HSD17B12: variants seen among roughly 807,000 people sequenced by gnomAD.
HSD17B12 encodes the protein very-long-chain 3-oxoacyl-CoA reductase.
Under a neutral mutation model 39.3 loss-of-function variants are expected in HSD17B12, and 32 were observed. The ratio of observed to expected loss-of-function variants is 0.81; its 90% CI spans 0.61 to 1.09. HSD17B12 has a LOEUF of 1.09. HSD17B12 is among the 50% of genes least tolerant of loss of function. The pLI, the probability that HSD17B12 is intolerant of heterozygous loss-of-function variation, is 0.00. For missense variants in HSD17B12, 342 were observed against 382.9 expected, an observed-to-expected ratio of 0.89 and a Z score of 0.89; for synonymous variants, 150 against 146.7, an observed-to-expected ratio of 1.02 and a Z score of -0.16.
chr11:43,647,442 AT>A, the HSD17B12 span, among the ~76,000 whole-genome samples: 67 of 123,258 alleles, frequency 5.4e-4, no homozygotes, highest in African/African-American at 2.0e-3. Flanking sequence ...CACCTTGCTA[AT>A]TTTTTTTTTT....
the HSD17B12 span, among the ~76,000 whole-genome samples, chr11:43,646,643 G>T: frequency 2.0e-5 from 3 of 152,100 alleles, no homozygotes; most frequent in African/African-American, 4.8e-5. Context: ...AGAGTGGAAA[G>T]GTACATACTT....
chr11:43,817,267 G>T lies in HSD17B12; in HGVS notation c.501+876G>T, dbSNP rs1380649232. ...TAGTCCTTTGTCAGATGCATAGATT[G>T]TGAAGATTTTCTCCCACTCTGTGGG... On this transcript the variant is annotated intron_variant, in intron 6 of 10. Coordinates refer to ENST00000278353, the MANE Select transcript of HSD17B12 (RefSeq NM_016142.3). Among the ~76,000 whole-genome samples, 3 of 152,060 alleles carry T rather than the reference G, an allele frequency of 2.0e-5. No homozygotes were observed. The East Asian group carries it at 5.8e-4, about 29-fold the overall frequency.
chr11:43,822,537 G>C (rs973174380), intron 6 of HSD17B12, among the ~76,000 whole-genome samples: 1 of 152,062 alleles, frequency 6.6e-6, no homozygotes, highest in African/African-American at 2.4e-5. Flanking sequence ...CTGTGTCCAA[G>C]TGTTGTCATT....
chr11:43,766,231 G>A (rs1950594373), intron 3 of HSD17B12, among the ~76,000 whole-genome samples: 1 of 152,144 alleles, frequency 6.6e-6, no homozygotes, highest in African/African-American at 2.4e-5. Flanking sequence ...TCCTCAATTA[G>A]TAGACTACTA....
chr11:43,578,375 G>A, the HSD17B12 span, among the ~76,000 whole-genome samples: 3 of 152,120 alleles, frequency 2.0e-5, no homozygotes, highest in Non-Finnish European at 4.4e-5. Flanking sequence ...CGGGCCGGGG[G>A]ATGAGAGGGT....
the HSD17B12 span, among the ~76,000 whole-genome samples, chr11:43,601,517 T>C: frequency 9.3e-6 from 1 of 107,372 alleles, no homozygotes; most frequent in African/African-American, 3.4e-5. Flanking sequence ...TTTTTTTTTT[T>C]TTAAAGTAGC....
At chr11:43,804,100 C>T (rs1307812386) in intron 4 of HSD17B12, among the ~76,000 whole-genome samples, 2 of 152,064 alleles carry the variant, frequency 1.3e-5, no homozygotes, top group African/African-American at 4.8e-5. Flanking sequence ...ACTACTATGA[C>T]TTTTTTAACT....
intron 3 of HSD17B12, among the ~76,000 whole-genome samples, chr11:43,775,124 G>A (rs1373646329): frequency 6.6e-6 from 1 of 152,146 alleles, no homozygotes; most frequent in African/African-American, 2.4e-5. Flanking sequence ...GGAATGGCAG[G>A]TGGTCTCTAA....
the HSD17B12 span, among the ~76,000 whole-genome samples, chr11:43,625,274 G>C: frequency 6.6e-6 from 1 of 151,454 alleles, no homozygotes; most frequent in African/African-American, 2.4e-5. Flanking sequence ...TCTTCAAGAT[G>C]GCATATTTAA....
At chr11:43,601,317 T>TTGTG in the HSD17B12 span, among the ~76,000 whole-genome samples, 2 of 150,638 alleles carry the variant, frequency 1.3e-5, no homozygotes, top group Non-Finnish European at 3.0e-5. Context: ...CATGCTGCGT[T>TTGTG]TGTGTGTGTG....
the HSD17B12 span, among the ~76,000 whole-genome samples, chr11:43,573,124 G>A: frequency 3.9e-5 from 6 of 152,198 alleles, no homozygotes; most frequent in African/African-American, 1.4e-4. Context: ...TCATGCTTGG[G>A]ATGCTCTGGA....
chr11:43,598,550 C>G, the HSD17B12 span, among the ~76,000 whole-genome samples: 1 of 152,090 alleles, frequency 6.6e-6, no homozygotes, highest in African/African-American at 2.4e-5. Flanking sequence ...TTACTCTGTA[C>G]ATCCTGCAGC....
chr11:43,736,916 A>G (rs1443864512), intron 1 of HSD17B12, among the ~76,000 whole-genome samples: 2 of 152,214 alleles, frequency 1.3e-5, no homozygotes, highest in South Asian at 2.1e-4. Flanking sequence ...TTTTAGCAAC[A>G]AAAGGGAATT....
intron 4 of HSD17B12, among the ~76,000 whole-genome samples, chr11:43,815,052 T>C (rs1951109110): frequency 6.6e-6 from 1 of 152,178 alleles, no homozygotes. Flanking sequence ...GTTTTCAGTA[T>C]CCTGGACCAC....
chr11:43,727,705 A>G (rs893923444), intron 1 of HSD17B12, among the ~76,000 whole-genome samples: 5 of 152,172 alleles, frequency 3.3e-5, no homozygotes, highest in African/African-American at 9.7e-5. Flanking sequence ...TTCTCCAAGT[A>G]TTTGGTGTTA....
intron 3 of HSD17B12, among the ~76,000 whole-genome samples, chr11:43,768,785 G>C (rs905130569): frequency 6.6e-6 from 1 of 152,164 alleles, no homozygotes; most frequent in African/African-American, 2.4e-5. Flanking sequence ...GCTGGCTCTG[G>C]TGGCCAGTTT....
intron 1 of HSD17B12, among the ~76,000 whole-genome samples, chr11:43,726,248 C>G (rs1950218840): frequency 6.6e-6 from 1 of 151,874 alleles, no homozygotes; most frequent in Non-Finnish European, 1.5e-5. Flanking sequence ...TAACTTGGCC[C>G]AGGTTTATTT....
the HSD17B12 span, among the ~76,000 whole-genome samples, chr11:43,585,852 C>A: frequency 6.6e-6 from 1 of 152,080 alleles, no homozygotes; most frequent in Non-Finnish European, 1.5e-5. Flanking sequence ...TGGTGGGAGT[C>A]GGGTGGTGAT....
chr11:43,792,111 G>T (rs1290963102), intron 3 of HSD17B12, among the ~76,000 whole-genome samples: 2 of 152,176 alleles, frequency 1.3e-5, no homozygotes, highest in Non-Finnish European at 2.9e-5. Flanking sequence ...GGCTTTCTTT[G>T]TTGGGGGATG....
Sources: gnomAD v4.1 joint callset for allele counts (sites outside exome capture counted in the v4.1 genomes callset) on GRCh38, gnomAD v4.1.1 for gene constraint, MANE v1.5 for transcripts, NCBI Gene and HGNC (gene_info 2026-07-23, HGNC 2026-07-21) for gene names.